DOK6: variants seen among roughly 807,000 people sequenced by gnomAD.
DOK6 encodes the protein docking protein 6.
Under a neutral mutation model 44.0 loss-of-function variants are expected in DOK6, and 22 were observed. The ratio of observed to expected loss-of-function variants is 0.50; its 90% CI spans 0.36 to 0.71. The LOEUF is 0.71. DOK6 is among the 30% of genes least tolerant of loss of function. DOK6 has a pLI of 0.00. For synonymous variants in DOK6, 166 were observed against 145.5 expected (o/e 1.14, Z -1.01); for missense variants, 340 against 416.4 (o/e 0.82, Z 1.60).
At chr18:69,816,732 T>C (rs1981409238) in intron 7 of DOK6, among the ~76,000 whole-genome samples, 1 of 152,240 alleles carries the variant, frequency 6.6e-6, no homozygotes. Flanking sequence ...ATGGGAACCC[T>C]GTACTCTATC....
chr18:69,665,738 G>A (rs1459430706), intron 3 of DOK6, among the ~76,000 whole-genome samples: 1 of 151,980 alleles, frequency 6.6e-6, no homozygotes, highest in Non-Finnish European at 1.5e-5. Context: ...TTAAAACTTT[G>A]CAGTTTTGTG....
At chr18:69,817,254 A>C (rs1162520160) in intron 7 of DOK6, among the ~76,000 whole-genome samples, 1 of 152,160 alleles carries the variant, frequency 6.6e-6, no homozygotes, top group Non-Finnish European at 1.5e-5. Context: ...TGATCATTTC[A>C]GATATGTTTC....
intron 1 of DOK6, among the ~76,000 whole-genome samples, chr18:69,508,791 T>A (rs1312442920): frequency 6.6e-6 from 1 of 152,152 alleles, no homozygotes; most frequent in Non-Finnish European, 1.5e-5. Context: ...TCTCAGGAAT[T>A]CATGACTGCA....
At chr18:69,824,645 G>A (rs2145127248) in intron 7 of DOK6, among the ~76,000 whole-genome samples, 1 of 152,328 alleles carries the variant, frequency 6.6e-6, no homozygotes, top group Admixed American at 6.5e-5. Context: ...ACAAGTGTTA[G>A]CCACTGCACC....
Position 69,828,565 on chromosome 18 carries a change from G to T in DOK6, c.857-12679G>T, listed in dbSNP as rs142577057. Reference sequence around the variant, plus strand: ...GACATAAGACTATTTTTATTATGGAGAATTTATAAAATAGCTATGAAAATA... The same window carrying T: ...GACATAAGACTATTTTTATTATGGATAATTTATAAAATAGCTATGAAAATA... On this transcript the variant is annotated intron_variant, in intron 7 of 7. Transcript: ENST00000382713. Among the ~76,000 whole-genome samples the T allele has an allele frequency of 3.2e-3, 479 of 151,598 alleles. 5 individuals carry two copies. Among genetic ancestry groups the T allele is most frequent in the Non-Finnish European group, 4.7e-3 (315 of 67,628 alleles).
chr18:69,797,484 C>T (rs1469492631), intron 7 of DOK6, among the ~76,000 whole-genome samples: 1 of 152,076 alleles, frequency 6.6e-6, no homozygotes, highest in Non-Finnish European at 1.5e-5. Flanking sequence ...ATTTTGCTAA[C>T]ACAGGAAAAA....
At chr18:69,801,826 C>T (rs895147797) in intron 7 of DOK6, among the ~76,000 whole-genome samples, 1 of 152,160 alleles carries the variant, frequency 6.6e-6, no homozygotes, top group African/African-American at 2.4e-5. Context: ...CTTATCTCTG[C>T]TGTAGGTAAA....
chr18:69,771,603 T>C (rs953092163), intron 7 of DOK6, among the ~76,000 whole-genome samples: 1 of 152,004 alleles, frequency 6.6e-6, no homozygotes, highest in Non-Finnish European at 1.5e-5. Flanking sequence ...ATCCTGGGGA[T>C]GTATCTCATT....
intron 4 of DOK6, among the ~76,000 whole-genome samples, chr18:69,692,063 T>C (rs1436708224): frequency 6.6e-6 from 1 of 152,188 alleles, no homozygotes; most frequent in Non-Finnish European, 1.5e-5. Flanking sequence ...TTCATTATTC[T>C]TACCCTGGAA....
chr18:69,425,078 G>GGAC (rs1978599975), intron 1 of DOK6, among the ~76,000 whole-genome samples: 1 of 152,074 alleles, frequency 6.6e-6, no homozygotes, highest in African/African-American at 2.4e-5. Flanking sequence ...ATTGTGAGCA[G>GGAC]GACTGGAAGC....
chr18:69,602,284 C>T (rs1483024311), intron 3 of DOK6, among the ~76,000 whole-genome samples: 3 of 152,166 alleles, frequency 2.0e-5, no homozygotes, highest in Non-Finnish European at 2.9e-5. Flanking sequence ...CTTGATATGA[C>T]GTGATCAAAA....
At chr18:69,663,419 A>C (rs2144673899) in intron 3 of DOK6, 1 of 152,224 alleles carries the variant, frequency 6.6e-6, no homozygotes, top group East Asian at 1.9e-4. Flanking sequence ...ACTTCAAATA[A>C]AAGTAGAAAA....
chr18:69,713,368 G>C (rs1261516050), intron 5 of DOK6, among the ~76,000 whole-genome samples: 1 of 152,174 alleles, frequency 6.6e-6, no homozygotes, highest in Non-Finnish European at 1.5e-5. Context: ...TAGCATTAAA[G>C]AACTAATACT....
In DOK6 at chr18:69,847,732, G is replaced by C. The variant is rs762872608; in HGVS notation, c.*6349G>C. 19 of 148,962 alleles carry C rather than the reference G, an allele frequency of 1.3e-4. No individual in the cohort carries two copies. The highest frequency in any genetic ancestry group is 2.1e-4 in the Non-Finnish European group (14 of 67,690). The allele number at this position is 148,962 out of a possible 1,614,324, so 9.2% of individuals were successfully genotyped here. A position where few individuals can be genotyped will look rare whatever the true frequency, so the allele number is the denominator to read the frequency against. On this transcript the variant is annotated 3_prime_UTR_variant, in exon 8 of 8. Coordinates refer to ENST00000382713, the MANE Select transcript of DOK6 (RefSeq NM_152721.6). ...TCAAATTCAGATTCACATGTATAGT[G>C]CATAGTTCAAGAAATAATGCTTACT...
intron 3 of DOK6, chr18:69,647,390 C>G (rs1376968478): frequency 6.6e-6 from 1 of 152,138 alleles, no homozygotes; most frequent in Admixed American, 6.6e-5. Flanking sequence ...ATAAGGCAGT[C>G]ATCATTATCC....
intron 2 of DOK6, among the ~76,000 whole-genome samples, chr18:69,592,259 C>T (rs1293179533): frequency 6.7e-6 from 1 of 149,024 alleles, no homozygotes; most frequent in African/African-American, 2.5e-5. Flanking sequence ...TAAACTTACC[C>T]TTTAAAATCC....
At chr18:69,605,907 T>C (rs556392218) in intron 3 of DOK6, among the ~76,000 whole-genome samples, 3 of 152,164 alleles carry the variant, frequency 2.0e-5, no homozygotes, top group Admixed American at 2.0e-4. Context: ...GAAAGAGAAA[T>C]AAAAGACATA....
At chr18:69,452,333 A>G (rs1444000482) in intron 1 of DOK6, among the ~76,000 whole-genome samples, 1 of 151,332 alleles carries the variant, frequency 6.6e-6, no homozygotes, top group Non-Finnish European at 1.5e-5. Context: ...TACATTCCTC[A>G]ACACATACAT....
intron 5 of DOK6, among the ~76,000 whole-genome samples, chr18:69,725,580 T>C (rs1599288294): frequency 6.6e-6 from 1 of 152,178 alleles, no homozygotes; most frequent in African/African-American, 2.4e-5. Context: ...CTCCGCCTCC[T>C]GGGTTCAAGC....
Sources: allele counts gnomAD v4.1 joint callset (sites outside exome capture counted in the v4.1 genomes callset), GRCh38; gene constraint gnomAD v4.1.1; transcripts MANE v1.5; gene names NCBI Gene and HGNC (gene_info 2026-07-23, HGNC 2026-07-21).